ARHGEF28: variants seen among roughly 807,000 people sequenced by gnomAD.
ARHGEF28 encodes the protein 190 kDa guanine nucleotide exchange factor.
A neutral mutation model predicts 206.6 loss-of-function variants in ARHGEF28; 152 were observed. The observed-to-expected ratio is 0.74, with a 90% CI of 0.64 to 0.84. The LOEUF is 0.84. ARHGEF28 is among the 40% of genes least tolerant of loss of function. ARHGEF28 has a pLI of 0.00. For synonymous variants in ARHGEF28, 763 were observed against 776.4 expected (o/e 0.98, Z 0.29); for missense variants, 2,028 against 2,073.2 (o/e 0.98, Z 0.42).
intron 11 of ARHGEF28, 60 bp downstream of exon 11, chr5:73,840,820 T>C (rs1217529310): frequency 1.3e-6 from 2 of 1,485,090 alleles, no homozygotes; most frequent in African/African-American, 2.8e-5. Context: ...TAGGTAGACT[T>C]CAAAAATTCT....
At chr5:73,871,263 T>C (rs771877339) in intron 21 of ARHGEF28, among the ~76,000 whole-genome samples, 1 of 152,204 alleles carries the variant, frequency 6.6e-6, no homozygotes, top group Admixed American at 6.5e-5. Flanking sequence ...TCACTGTTTC[T>C]CTTTAAAAGA....
In ARHGEF28 at chr5:73,749,949, G is replaced by T. The variant is rs562632840; in HGVS notation, c.146G>T (p.Arg49Leu). The stretch of plus-strand genomic sequence containing the variant: ...CAGCGACATGTCATGATTGCAGAGC[G>T]CATCGAGGATAACGTTCTCCAGTCC... ...SHQRHVMIAE[R>L]IEDNVLQSSV... is the part of the protein sequence containing the mutation. The change falls in exon 3 of 36, where the codon CGC becomes CTC. Residue 49 changes from arginine to leucine, a missense_variant. This residue lies in a region of ARHGEF28 where 1,002 missense variants were observed against 1,015.3 expected (regional missense o/e 0.99). Transcript: ENST00000513042. 11 of 1,613,862 alleles carry T rather than the reference G, an allele frequency of 6.8e-6. No homozygotes were observed. Among genetic ancestry groups the T allele is most frequent in the South Asian group, 2.2e-5 (2 of 91,054 alleles).
At chr5:73,672,041 T>C (rs1196026917) in intron 1 of ARHGEF28, among the ~76,000 whole-genome samples, 2 of 151,894 alleles carry the variant, frequency 1.3e-5, no homozygotes, top group Admixed American at 6.6e-5. Flanking sequence ...TATATTTCAT[T>C]GTGAGGGGAG....
At chr5:73,737,473 T>TTTTCTTTTCTTTTCTTTTCTTTTCTTTTC (rs2112364546) in intron 2 of ARHGEF28, among the ~76,000 whole-genome samples, 1 of 98,950 alleles carries the variant, frequency 1.0e-5, no homozygotes, top group Admixed American at 1.2e-4. Context: ...TTTTCTTTTC[T>TTTTCTTTTCTTTTCTTTTCTTTTCTTTTC]TTTCTTTTCT....
At chr5:73,840,444 C>T in intron 10 of ARHGEF28, 36 bp from the exon 11 acceptor site, 2 of 1,598,976 alleles carry the variant, frequency 1.3e-6, no homozygotes, top group Non-Finnish European at 1.7e-6. Context: ...ATCTTACCTG[C>T]TTTTACTCAG....
intron 4 of ARHGEF28, among the ~76,000 whole-genome samples, chr5:73,761,785 A>G (rs1425189191): frequency 6.6e-6 from 1 of 152,178 alleles, no homozygotes; most frequent in African/African-American, 2.4e-5. Flanking sequence ...GAGGAGAAGC[A>G]TGAGTGACGG....
intron 4 of ARHGEF28, among the ~76,000 whole-genome samples, chr5:73,760,111 C>T (rs1419527513): frequency 6.6e-6 from 1 of 152,160 alleles, no homozygotes; most frequent in African/African-American, 2.4e-5. Flanking sequence ...GTCTTACTAA[C>T]CAGAGAAGGG....
At position 73,629,175 on chromosome 5, in the gene ARHGEF28, T is replaced by G. The variant is rs1422230006; in HGVS notation, c.-12+2853T>G. ...TTTAGGGTCTGTTGCATTTTCGGAGTAGACTTTTGCACACTCCACATTAAG... is the reference window on the plus strand; with the variant it reads ...TTTAGGGTCTGTTGCATTTTCGGAGGAGACTTTTGCACACTCCACATTAAG... On this transcript the variant is annotated intron_variant, in intron 1 of 35. Coordinates refer to ENST00000513042, the MANE Select transcript of ARHGEF28 (RefSeq NM_001177693.2). Among the ~76,000 whole-genome samples the G allele has an allele frequency of 2.0e-5, 3 of 152,144 alleles. No individual in the cohort carries two copies. The South Asian group carries it at 6.2e-4, about 32-fold the overall frequency.
At chr5:73,875,795 C>T (rs1167265598) in intron 22 of ARHGEF28, among the ~76,000 whole-genome samples, 1 of 152,084 alleles carries the variant, frequency 6.6e-6, no homozygotes, top group African/African-American at 2.4e-5. Context: ...GTTTTGGTAC[C>T]AGTACCATGC....
At chr5:73,909,962 A>G in intron 34 of ARHGEF28, 65 bp downstream of exon 34, 2 of 1,448,880 alleles carry the variant, frequency 1.4e-6, no homozygotes, top group South Asian at 1.5e-5. Context: ...GGGGGCTCCT[A>G]GGACACTAAC....
intron 22 of ARHGEF28, among the ~76,000 whole-genome samples, chr5:73,880,053 GCCT>G (rs1251074202): frequency 5.3e-5 from 8 of 152,210 alleles, no homozygotes; most frequent in African/African-American, 1.9e-4. Flanking sequence ...AGGCAGGCAG[GCCT>G]CCTTGAGCTG....
intron 2 of ARHGEF28, among the ~76,000 whole-genome samples, chr5:73,686,799 G>A (rs569458436): frequency 2.6e-5 from 4 of 152,168 alleles, no homozygotes; most frequent in African/African-American, 9.6e-5. Context: ...TGGGATTACA[G>A]GCGTGAGCCA....
At chr5:73,905,433 A>G (rs989674512) in intron 33 of ARHGEF28, 1 of 152,240 alleles carries the variant, frequency 6.6e-6, no homozygotes, top group Non-Finnish European at 1.5e-5. Context: ...ACTCATTAAA[A>G]TGTATCTCGA....
At position 73,882,457 on chromosome 5, in the gene ARHGEF28, A is replaced by G; in HGVS notation, c.2815-15A>G. ...ACTAAATTTACAAACCATTATTTAAATGTTATTCTTCCAGTTTTCAGAAGA... is the reference window on the plus strand; with the variant it reads ...ACTAAATTTACAAACCATTATTTAAGTGTTATTCTTCCAGTTTTCAGAAGA... On this transcript the variant is annotated splice_polypyrimidine_tract_variant and intron_variant, in intron 22 of 35. Coordinates refer to ENST00000513042, the MANE Select transcript of ARHGEF28 (RefSeq NM_001177693.2). 7.1e-7 allele frequency: 1 copy of G among 1,401,020 alleles called. No homozygotes were observed. Among genetic ancestry groups the G allele is most frequent in the African/African-American group, 1.5e-5 (1 of 67,448 alleles). 86.8% of individuals were successfully genotyped at this position (1,401,020 alleles called of 1,614,324 possible).
intron 2 of ARHGEF28, among the ~76,000 whole-genome samples, chr5:73,726,191 A>G (rs1454553608): frequency 6.6e-6 from 1 of 152,196 alleles, no homozygotes; most frequent in Non-Finnish European, 1.5e-5. Flanking sequence ...CCCCTCAGTG[A>G]AAAGCTCACT....
chr5:73,801,997 C>A (rs568717021), intron 9 of ARHGEF28, among the ~76,000 whole-genome samples: 1 of 152,188 alleles, frequency 6.6e-6, no homozygotes, highest in African/African-American at 2.4e-5. Context: ...TCACCCCTAA[C>A]GTACTAGGTT....
chr5:73,742,367 A>G (rs1751484039), intron 2 of ARHGEF28, among the ~76,000 whole-genome samples: 1 of 151,858 alleles, frequency 6.6e-6, no homozygotes, highest in Non-Finnish European at 1.5e-5. Flanking sequence ...TTTGGCATGC[A>G]TGTTTTATTT....
intron 2 of ARHGEF28, among the ~76,000 whole-genome samples, chr5:73,690,516 C>CT: frequency 8.8e-6 from 1 of 114,094 alleles, no homozygotes; most frequent in Non-Finnish European, 1.6e-5. Flanking sequence ...TTGTAAGACT[C>CT]TGTCTTTACA....
intron 1 of ARHGEF28, among the ~76,000 whole-genome samples, chr5:73,679,800 T>A (rs1204750493): frequency 6.6e-6 from 1 of 151,410 alleles, no homozygotes; most frequent in Non-Finnish European, 1.5e-5. Context: ...ATGTAGTACA[T>A]GTTTAAGTTT....
Sources: gnomAD v4.1 joint callset for allele counts (sites outside exome capture counted in the v4.1 genomes callset) on GRCh38, gnomAD v4.1.1 for gene constraint, gnomAD v4.1.1 regional missense constraint, MANE v1.5 for transcripts, NCBI Gene and HGNC (gene_info 2026-07-23, HGNC 2026-07-21) for gene names.